PCDHA11: variants seen among roughly 807,000 people sequenced by gnomAD.
PCDHA11 encodes protocadherin alpha 11.
In PCDHA11, 61 loss-of-function variants were observed where a neutral mutation model predicts 70.3. That is an observed-to-expected ratio of 0.87 (90% CI 0.71 to 1.07). PCDHA11 has a LOEUF of 1.07. Ranked by LOEUF, PCDHA11 falls within the 50% of genes least tolerant of loss-of-function variation. The pLI, the probability that PCDHA11 is intolerant of heterozygous loss-of-function variation, is 0.00. For missense variants in PCDHA11, 1,324 were observed against 1,237.5 expected, an observed-to-expected ratio of 1.07 and a Z score of -1.05; for synonymous variants, 633 against 555.1, an observed-to-expected ratio of 1.14 and a Z score of -1.97.
At chr5:140,986,181 G>A (rs531382269) in intron 3 of PCDHA11, among the ~76,000 whole-genome samples, 1 of 152,152 alleles carries the variant, frequency 6.6e-6, no homozygotes, top group Admixed American at 6.6e-5. Flanking sequence ...AACAAGTCAG[G>A]CATTAAATTG....
chr5:140,946,165 G>C (rs1554217364), intron 1 of PCDHA11, among the ~76,000 whole-genome samples: 1 of 151,838 alleles, frequency 6.6e-6, no homozygotes, highest in Non-Finnish European at 1.5e-5. Context: ...TTAAAAGATG[G>C]GTAAAGGATG....
Position 140,870,988 on chromosome 5 carries a change from G to T in PCDHA11, c.1885G>T (p.Glu629Ter). 6.2e-7 allele frequency: 1 copy of T among 1,613,492 alleles called. No homozygotes were observed. Among genetic ancestry groups the T allele is most frequent in the Non-Finnish European group, 8.5e-7 (1 of 1,179,872 alleles). Residue 629 changes from glutamate to a stop codon, truncating the protein, a stop_gained, in exon 1 of 4, where the codon GAG (glutamate) becomes TAG (stop). Transcript: ENST00000398640. LOFTEE classifies it high-confidence loss of function. ...IPFRVGLYTG[E>*]ISTTRALDEA... ...GTTCCGCGTGGGGCTGTACACGGGC[G>T]AGATAAGCACAACGCGTGCCCTGGA...
intron 1 of PCDHA11, chr5:140,927,197 A>G: frequency 6.2e-7 from 1 of 1,614,150 alleles, no homozygotes; most frequent in African/African-American, 1.3e-5. Flanking sequence ...CTGGTGCTCG[A>G]GGACCCGCTG....
intron 3 of PCDHA11, among the ~76,000 whole-genome samples, chr5:141,002,136 G>C (rs2153972972): frequency 6.6e-6 from 1 of 152,374 alleles, no homozygotes; most frequent in East Asian, 1.9e-4. Flanking sequence ...GCCTTTGCCG[G>C]CTGCACTGAC....
chr5:140,884,467 G>A (rs199814121), intron 1 of PCDHA11: 6 of 1,613,778 alleles, frequency 3.7e-6, no homozygotes, highest in Non-Finnish European at 5.1e-6. Context: ...GCGCGTGCGC[G>A]CCGGGCAAGC....
At chr5:140,884,533 G>T in intron 1 of PCDHA11, 1 of 1,614,082 alleles carries the variant, frequency 6.2e-7, no homozygotes, top group Non-Finnish European at 8.5e-7. Flanking sequence ...AGCAGAGGCG[G>T]CCGAGGGTGT....
At chr5:140,882,400 C>T (rs782194379) in intron 1 of PCDHA11, 10 of 1,614,172 alleles carry the variant, frequency 6.2e-6, no homozygotes, top group Admixed American at 3.3e-5. Context: ...ACGGCACCTT[C>T]GTGGGCCGCA....
At chr5:140,993,460 T>TCCCACA (rs1554253699) in intron 3 of PCDHA11, among the ~76,000 whole-genome samples, 8 of 104,506 alleles carry the variant, frequency 7.7e-5, no homozygotes, top group African/African-American at 3.1e-4. Context: ...CTTCTTTCTT[T>TCCCACA]CTCACACACA....
At chr5:140,882,675 G>C in intron 1 of PCDHA11, 1 of 1,614,218 alleles carries the variant, frequency 6.2e-7, no homozygotes, top group East Asian at 2.2e-5. Flanking sequence ...TTCCCTGAAA[G>C]CAAGAAACGA....
intron 3 of PCDHA11, among the ~76,000 whole-genome samples, chr5:140,992,085 TAGAGAA>T (rs1253503619): frequency 1.4e-5 from 2 of 146,836 alleles, no homozygotes; most frequent in Non-Finnish European, 3.0e-5. Flanking sequence ...TGAGCTAGAG[TAGAGAA>T]AGAGAATTAA....
intron 1 of PCDHA11, chr5:140,968,000 C>T: frequency 1.2e-6 from 2 of 1,614,234 alleles, no homozygotes; most frequent in Non-Finnish European, 8.5e-7. Context: ...GCCTTTCCGA[C>T]TGAATGGCTT....
chr5:140,914,185 C>G (rs1183431482), intron 1 of PCDHA11, among the ~76,000 whole-genome samples: 1 of 152,130 alleles, frequency 6.6e-6, no homozygotes, highest in Non-Finnish European at 1.5e-5. Flanking sequence ...AATTCTCCAC[C>G]TATTATTGTA....
rs932495728 is a variant in PCDHA11, at chr5:140,945,802, C to T, written c.2392-33147C>T. ...AGATGCAGAAAAATGAAACTAGACC[C>T]TTATCTCACACTGTATACAAAAGTC... On this transcript the variant is annotated intron_variant, in intron 1 of 3. Coordinates refer to ENST00000398640, the MANE Select transcript of PCDHA11 (RefSeq NM_018902.5). Among the ~76,000 whole-genome samples the T allele has an allele frequency of 5.9e-5, 9 of 152,202 alleles. No homozygotes were observed. The East Asian group carries it at 1.7e-3, about 29-fold the overall frequency.
chr5:140,941,201 TCC>T lies in PCDHA11; in HGVS notation c.2392-37747_2392-37746del, dbSNP rs1554213890. On this transcript the variant is annotated intron_variant, in intron 1 of 3. Coordinates refer to ENST00000398640, the MANE Select transcript of PCDHA11 (RefSeq NM_018902.5). The stretch of plus-strand genomic sequence containing the variant: ...ATCCTGCTTCTTTTTTTTTCTTTCT[TCC>T]TTTCTTTCTTCCTTTCTTTCTTTCT... 4.9e-3 allele frequency among the ~76,000 whole-genome samples: 512 copies of T among 103,578 alleles called. 4 individuals are homozygous for T. The highest frequency in any genetic ancestry group is 7.0e-3 in the African/African-American group (178 of 25,432). 68.0% of individuals were successfully genotyped at this position (103,578 alleles called of 152,430 possible). A position where few individuals can be genotyped will look rare whatever the true frequency, so the allele number is the denominator to read the frequency against.
At chr5:140,952,338 CAA>C (rs55931446) in intron 1 of PCDHA11, among the ~76,000 whole-genome samples, 119 of 135,000 alleles carry the variant, frequency 8.8e-4, no homozygotes, top group Admixed American at 1.8e-3. Flanking sequence ...AACTCCATCT[CAA>C]AAAAAAAAAA....
chr5:140,993,828 A>G (rs1170306716), intron 3 of PCDHA11, among the ~76,000 whole-genome samples: 1 of 152,226 alleles, frequency 6.6e-6, no homozygotes, highest in East Asian at 1.9e-4. Context: ...AGGCTATACC[A>G]TATAGCCTAG....
rs782153529 is a variant in PCDHA11, at chr5:140,871,456, G to A, written c.2353G>A (p.Gly785Arg). Residue 785 changes from glycine to arginine, a missense_variant, in exon 1 of 4, where the codon GGG (glycine) becomes AGG (arginine). By Grantham distance (125) the Gly-to-Arg change is moderately radical (BLOSUM62 -2). Coordinates refer to ENST00000398640, the MANE Select transcript of PCDHA11 (RefSeq NM_018902.5). ...TCTAGGTCTGAATAAAGAGGAGGAA[G>A]GGGAAAGACAGGAGCCAGGGTCAAA... is the stretch of plus-strand genomic sequence containing the variant. ...LPLGLNKEEE[G>R]ERQEPGSNHP... is the part of the protein sequence containing the mutation. The A allele has an allele frequency of 1.2e-6, 2 of 1,607,284 alleles. No individual in the cohort carries two copies. Among genetic ancestry groups the A allele is most frequent in the East Asian group, 4.5e-5 (2 of 44,664 alleles).
chr5:140,872,785 C>T (rs781982200), intron 1 of PCDHA11, among the ~76,000 whole-genome samples: 12 of 152,072 alleles, frequency 7.9e-5, no homozygotes, highest in Non-Finnish European at 1.3e-4. Context: ...ATAATATATG[C>T]TAGTTGGCAT....
chr5:140,887,497 A>G (rs981649331), intron 1 of PCDHA11, among the ~76,000 whole-genome samples: 1 of 152,150 alleles, frequency 6.6e-6, no homozygotes, highest in Admixed American at 6.5e-5. Context: ...ATAGTTTCTA[A>G]TAAGATGTTT....
Sources: gnomAD v4.1 joint callset for allele counts (sites outside exome capture counted in the v4.1 genomes callset) on GRCh38, gnomAD v4.1.1 for gene constraint, MANE v1.5 for transcripts, NCBI Gene and HGNC (gene_info 2026-07-23, HGNC 2026-07-21) for gene names.